The following HIP1 variants were observed in gnomAD, a reference collection of about 807,000 sequenced individuals.
HIP1 encodes huntingtin interacting protein 1.
Under a neutral mutation model 147.6 loss-of-function variants are expected in HIP1, and 65 were observed. The observed-to-expected ratio is 0.44, with a 90% CI of 0.36 to 0.54. HIP1 has a LOEUF of 0.54. HIP1 is among the 20% of genes least tolerant of loss of function. HIP1 has a pLI of 0.00. For synonymous variants in HIP1, 479 were observed against 504.0 expected (o/e 0.95, Z 0.67); for missense variants, 1,061 against 1,299.6 (o/e 0.82, Z 2.82).
intron 1 of HIP1, among the ~76,000 whole-genome samples, chr7:75,632,003 C>G (rs1185449746): frequency 6.6e-6 from 1 of 152,150 alleles, no homozygotes. Flanking sequence ...ATGTTTGCAT[C>G]TGGACTTAGC....
intron 1 of HIP1, among the ~76,000 whole-genome samples, chr7:75,683,647 C>T (rs1004899324): frequency 6.6e-6 from 1 of 152,196 alleles, no homozygotes; most frequent in Non-Finnish European, 1.5e-5. Context: ...CATAGCACCA[C>T]GTCCTCCACC....
chr7:75,668,163 T>G (rs1799617789), intron 1 of HIP1, among the ~76,000 whole-genome samples: 1 of 152,144 alleles, frequency 6.6e-6, no homozygotes, highest in African/African-American at 2.4e-5. Context: ...TCATAAACCC[T>G]TTTTGGCACC....
At chr7:75,711,486 G>A (rs1054714322) in intron 1 of HIP1, among the ~76,000 whole-genome samples, 1 of 152,174 alleles carries the variant, frequency 6.6e-6, no homozygotes, top group Admixed American at 6.5e-5. Context: ...TACAAAAAGA[G>A]CCATGTAGTT....
chr7:75,634,205 A>T (rs966860591), intron 1 of HIP1, among the ~76,000 whole-genome samples: 1 of 151,962 alleles, frequency 6.6e-6, no homozygotes, highest in East Asian at 1.9e-4. Flanking sequence ...GGCTGCAGTG[A>T]GCTGTGATCG....
chr7:75,646,086 AT>A (rs1242732571), intron 1 of HIP1, among the ~76,000 whole-genome samples: 37 of 149,112 alleles, frequency 2.5e-4, no homozygotes, highest in East Asian at 1.2e-3. Flanking sequence ...TCTAAAATGA[AT>A]TTTTTTTTTT....
At position 75,568,351 on chromosome 7, in the gene HIP1, G is replaced by C. The variant is rs1402505621; in HGVS notation, c.746-95C>G. On this transcript the variant is annotated intron_variant, in intron 8 of 30. Coordinates refer to ENST00000336926, the MANE Select transcript of HIP1 (RefSeq NM_005338.7). This position sits in a 1 kb window ranked among gnomAD's most constrained non-coding sequence, Gnocchi z 4.1. Reference sequence around the variant, plus strand: ...CGAGGGGGAGGGGCCCAGCTACCCTGGGGCATGTGGCCAGCACTGCCAGGG... The same window carrying C: ...CGAGGGGGAGGGGCCCAGCTACCCTCGGGCATGTGGCCAGCACTGCCAGGG... 1 of 838,946 alleles carries C rather than the reference G, an allele frequency of 1.2e-6. No homozygotes were observed. The highest frequency in any genetic ancestry group is 2.1e-6 in the Non-Finnish European group (1 of 479,140). 52.0% of individuals were successfully genotyped at this position (838,946 alleles called of 1,614,324 possible). A position where few individuals can be genotyped will look rare whatever the true frequency, so the allele number is the denominator to read the frequency against.
At chr7:75,664,338 G>GTATA (rs1799471177) in intron 1 of HIP1, among the ~76,000 whole-genome samples, 3 of 100,520 alleles carry the variant, frequency 3.0e-5, no homozygotes, top group Non-Finnish European at 2.1e-5. Flanking sequence ...GCATATATAT[G>GTATA]TGTGTATGTA....
chr7:75,565,023 G>T (rs587741585), intron 9 of HIP1, among the ~76,000 whole-genome samples: 1 of 152,300 alleles, frequency 6.6e-6, no homozygotes, highest in East Asian at 1.9e-4. Flanking sequence ...AGCCTCCTGA[G>T]TAGCTGGAGT....
At chr7:75,543,816 A>G (rs1167795) in intron 27 of HIP1, among the ~76,000 whole-genome samples, 87,007 of 151,944 alleles carry the variant, frequency 0.57, 25,241 homozygotes, top group African/African-American at 0.66. Context: ...GAGGAAAGCC[A>G]CGAGGGACAT....
chr7:75,538,107 G>T lies in HIP1; in HGVS notation c.*65C>A. On this transcript the variant is annotated 3_prime_UTR_variant, in exon 31 of 31. Coordinates refer to ENST00000336926, the MANE Select transcript of HIP1 (RefSeq NM_005338.7). ...ACTCCAAGGATTTGGCCTGTGGCTG[G>T]GGAAATAACACACACGAGATAGGTA... 2 of 1,371,358 alleles carry T rather than the reference G, an allele frequency of 1.5e-6. No homozygotes were observed. Among genetic ancestry groups the T allele is most frequent in the South Asian group, 1.2e-5 (1 of 86,118 alleles). The allele number at this position is 1,371,358 out of a possible 1,614,324, so 84.9% of individuals were successfully genotyped here. A position where few individuals can be genotyped will look rare whatever the true frequency, so the allele number is the denominator to read the frequency against.
intron 1 of HIP1, among the ~76,000 whole-genome samples, chr7:75,684,021 C>T (rs137865062): frequency 2.9e-4 from 44 of 152,104 alleles, no homozygotes; most frequent in African/African-American, 1.1e-3. Context: ...TGGTGGCTCA[C>T]GCATCCCAGC....
At chr7:75,681,911 T>A (rs1189255530) in intron 1 of HIP1, among the ~76,000 whole-genome samples, 2 of 150,874 alleles carry the variant, frequency 1.3e-5, no homozygotes, top group Non-Finnish European at 2.9e-5. Context: ...CCACCCACCA[T>A]CTCCCCTGGA....
intron 1 of HIP1, among the ~76,000 whole-genome samples, chr7:75,706,473 C>CTTTTTTT (rs139655610): frequency 2.9e-5 from 4 of 138,112 alleles, no homozygotes; most frequent in African/African-American, 2.7e-5. Context: ...TATATATCTT[C>CTTTTTTT]TTTTTTTTTA....
At chr7:75,720,813 C>T (rs1005695112) in intron 1 of HIP1, among the ~76,000 whole-genome samples, 8 of 151,640 alleles carry the variant, frequency 5.3e-5, no homozygotes, top group African/African-American at 7.3e-5. Flanking sequence ...CCGAGGTGGG[C>T]GGATCACCTG....
chr7:75,677,360 C>G (rs376739492), intron 1 of HIP1, among the ~76,000 whole-genome samples: 1 of 150,648 alleles, frequency 6.6e-6, no homozygotes, highest in Non-Finnish European at 1.5e-5. Flanking sequence ...AATCCCAGCA[C>G]TATGGGAGGC....
At chr7:75,619,748 G>A (rs112027280) in intron 1 of HIP1, among the ~76,000 whole-genome samples, 7 of 152,104 alleles carry the variant, frequency 4.6e-5, no homozygotes, top group Admixed American at 6.6e-5. Flanking sequence ...AGCAATCTCC[G>A]TTAGTACATT....
rs1167806 is a variant in HIP1, at chr7:75,554,095, T to A, written c.2158+18A>T. ...GCTCCCCTGGTCCATGAACAGCCCC[T>A]CATGCCCCGGTACTCACAGTCGGCA... On this transcript the variant is annotated intron_variant, in intron 21 of 30. Transcript: ENST00000336926. The A allele has an allele frequency of 0.088, 141,199 of 1,598,772 alleles. 6,814 individuals are homozygous for A. The highest frequency in any genetic ancestry group is 0.097 in the Non-Finnish European group (113,160 of 1,166,928).
chr7:75,604,473 A>G (rs906038086), intron 1 of HIP1, among the ~76,000 whole-genome samples: 1 of 152,158 alleles, frequency 6.6e-6, no homozygotes, highest in Non-Finnish European at 1.5e-5. Flanking sequence ...CAGGAGTTCA[A>G]GACCAGCCTG....
chr7:75,679,080 T>C (rs1349925531), intron 1 of HIP1, among the ~76,000 whole-genome samples: 2 of 148,680 alleles, frequency 1.3e-5, no homozygotes, highest in Admixed American at 6.8e-5. Context: ...ATCTTCAACC[T>C]CACACTCTCC....
Sources: gnomAD v4.1 joint callset for allele counts (sites outside exome capture counted in the v4.1 genomes callset) on GRCh38, gnomAD v4.1.1 for gene constraint, Gnocchi (gnomAD v3.1) non-coding constraint, MANE v1.5 for transcripts, NCBI Gene and HGNC (gene_info 2026-07-23, HGNC 2026-07-21) for gene names.